Variants in ANKRD9 observed in about 807,000 individuals in gnomAD.
ANKRD9 encodes ankyrin repeat domain-containing protein 9.
In ANKRD9, 13 loss-of-function variants were observed where a neutral mutation model predicts 19.2. The observed-to-expected ratio is 0.68, with a 90% CI of 0.44 to 1.08. ANKRD9 has a LOEUF of 1.08. Among genes scored for constraint, ANKRD9 ranks in the 50% least tolerant of loss-of-function variants. ANKRD9 has a pLI of 0.00. For synonymous variants in ANKRD9, 278 were observed against 256.8 expected (o/e 1.08, Z -0.79); for missense variants, 518 against 499.9 (o/e 1.04, Z -0.34).
Position 102,507,218 on chromosome 14 carries a change from C to T in ANKRD9, c.672G>A (p.Pro224=), listed in dbSNP as rs1891625038. ...CCAGCAGCAGCAGGCGGCGCTGGCG[C>T]GGCTCCCCGGGAGCTGAGGCGGGGG... ...AGAPASAPGE[P]RQRRLLLLDL... is the part of the protein sequence containing the mutation. The change falls in exon 4 of 4, where the codon CCG becomes CCA. Residue 224 remains proline, a synonymous_variant. Transcript: ENST00000286918. This position sits in a 1 kb window ranked among gnomAD's most constrained non-coding sequence, Gnocchi z 9.2. 4 of 1,276,530 alleles carry T rather than the reference C, an allele frequency of 3.1e-6. No homozygotes were observed. Among genetic ancestry groups the T allele is most frequent in the Non-Finnish European group, 3.9e-6 (4 of 1,013,090 alleles). 79.1% of individuals were successfully genotyped at this position (1,276,530 alleles called of 1,614,324 possible).
rs1027090711 is a variant in ANKRD9 at position 102,505,072 on chromosome 14, C to T, written c.*1864G>A. On this transcript the variant is annotated 3_prime_UTR_variant, in exon 4 of 4. Coordinates refer to ENST00000286918, the MANE Select transcript of ANKRD9 (RefSeq NM_152326.4). ...GACGTGGAGGGGGCTAGCCCTGGGC[C>T]TCTGGCATTGTGGAGGCTGACCTAT... 3.3e-5 allele frequency: 5 copies of T among 152,756 alleles called. No homozygotes were observed. The highest frequency in any genetic ancestry group is 7.3e-5 in the Non-Finnish European group (5 of 68,490). 9.5% of individuals were successfully genotyped at this position (152,756 alleles called of 1,614,324 possible). A position where few individuals can be genotyped will look rare whatever the true frequency, so the allele number is the denominator to read the frequency against.
At position 102,507,665 on chromosome 14, in the gene ANKRD9, C is replaced by T. The variant is rs775819051; in HGVS notation, c.225G>A (p.Ala75=). 6.4e-7 allele frequency: 1 copy of T among 1,554,068 alleles called. No individual in the cohort carries two copies. The change falls in exon 4 of 4, where the codon GCG becomes GCA. Residue 75 remains alanine (A), a synonymous_variant. Transcript: ENST00000286918. This position sits in a 1 kb window ranked among gnomAD's most constrained non-coding sequence, Gnocchi z 9.2. ...GGTCGTGCACGAGCGCGTAGAGCAG[C>T]GCCTCAGAGGGCGAGTAGGCGGCGG... ...GRAAAYSPSE[A]LLYALVHDHQ...
Position 102,507,461 on chromosome 14 carries a change from C to T in ANKRD9, c.429G>A (p.Glu143=), listed in dbSNP as rs1378806016. 7.2e-7 allele frequency: 1 copy of T among 1,398,494 alleles called. No homozygotes were observed. Among genetic ancestry groups the T allele is most frequent in the South Asian group, 1.3e-5 (1 of 74,416 alleles). The allele number at this position is 1,398,494 out of a possible 1,614,324, so 86.6% of individuals were successfully genotyped here. The stretch of plus-strand genomic sequence containing the variant: ...CACGCCGGTCCAGCACGCGCGCCCG[C>T]TCCTCGGCCGGGAAGTCGCGCAAGG... The part of the protein sequence containing the change: ...LRTLRDFPAE[E]RARVLDRRGC... The change falls in exon 4 of 4, where the codon GAG becomes GAA. Residue 143 remains glutamate (E), a synonymous_variant. Coordinates refer to ENST00000286918, the MANE Select transcript of ANKRD9 (RefSeq NM_152326.4). This position sits in a 1 kb window ranked among gnomAD's most constrained non-coding sequence, Gnocchi z 9.2.
Position 102,507,439 on chromosome 14 carries a change from G to T in ANKRD9, c.451C>A (p.Arg151Ser). The T allele has an allele frequency of 3.6e-6, 5 of 1,390,518 alleles. 1 individual carries two copies. Among genetic ancestry groups the T allele is most frequent in the Non-Finnish European group, 4.7e-6 (5 of 1,067,952 alleles). The allele number at this position is 1,390,518 out of a possible 1,614,324, so 86.1% of individuals were successfully genotyped here. The change falls in exon 4 of 4, where the codon CGT becomes AGT. Residue 151 changes from arginine (R) to serine (S), a missense_variant. Arg to Ser is a moderately radical substitution (Grantham distance 110). Coordinates refer to ENST00000286918, the MANE Select transcript of ANKRD9 (RefSeq NM_152326.4). This position sits in a 1 kb window ranked among gnomAD's most constrained non-coding sequence, Gnocchi z 9.2. ...AEERARVLDRRGCSRVEGGGT... is the reference protein window; with the variant it reads ...AEERARVLDRSGCSRVEGGGT... ...CCGCCCTCCACGCGGCTGCAGCCAC[G>T]CCGGTCCAGCACGCGCGCCCGCTCC...
At position 102,506,915 on chromosome 14, in the gene ANKRD9, AG is replaced by A; in HGVS notation, c.*20del. On this transcript the variant is annotated 3_prime_UTR_variant, in exon 4 of 4. Transcript: ENST00000286918. The stretch of plus-strand genomic sequence containing the variant: ...GAAAAATAGTTTTGTCCCAAAATCC[AG>A]CGCCTAGGGTGCTCCGGGCCTAGCC... 1.4e-6 allele frequency: 2 copies of A among 1,453,092 alleles called. No homozygotes were observed. The highest frequency in any genetic ancestry group is 1.8e-6 in the Non-Finnish European group (2 of 1,101,416). The allele number at this position is 1,453,092 out of a possible 1,614,324, so 90.0% of individuals were successfully genotyped here. A position where few individuals can be genotyped will look rare whatever the true frequency, so the allele number is the denominator to read the frequency against.
In ANKRD9 at chr14:102,504,451, TG is replaced by T. The variant is rs1330946602; in HGVS notation, c.*2484del. On this transcript the variant is annotated 3_prime_UTR_variant, in exon 4 of 4. Coordinates refer to ENST00000286918, the MANE Select transcript of ANKRD9 (RefSeq NM_152326.4). ...CGGCCCTCCCAGTCCTGCAAGCTCATGGCCAGGACGATAACGATGACAGGGG... is the reference window on the plus strand; with the variant it reads ...CGGCCCTCCCAGTCCTGCAAGCTCATGCCAGGACGATAACGATGACAGGGG... 6.5e-6 allele frequency: 1 copy of T among 154,052 alleles called. No individual in the cohort carries two copies. The highest frequency in any genetic ancestry group is 1.5e-5 in the Non-Finnish European group (1 of 68,086). 9.5% of individuals were successfully genotyped at this position (154,052 alleles called of 1,614,324 possible).
chr14:102,507,269 G>C lies in ANKRD9; in HGVS notation c.621C>G (p.Ala207=), dbSNP rs1891629390. ...ELLLRQLGRD[A]GATPSAAGAP... ...CTCCGGCGGCGGAGGGAGTGGCCCC[G>C]GCGTCGCGGCCCAGCTGGCGCAGCA... The change falls in exon 4 of 4, where the codon GCC becomes GCG. Residue 207 remains alanine, a synonymous_variant. Coordinates refer to ENST00000286918, the MANE Select transcript of ANKRD9 (RefSeq NM_152326.4). The surrounding 1 kb of genome is among the most constrained non-coding windows in gnomAD (Gnocchi z 9.2). The C allele has an allele frequency of 1.7e-6, 2 of 1,211,180 alleles. No homozygotes were observed. The highest frequency in any genetic ancestry group is 3.3e-5 in the African/African-American group (2 of 61,246). 75.0% of individuals were successfully genotyped at this position (1,211,180 alleles called of 1,614,324 possible).
rs1329223460 is a variant in ANKRD9 at position 102,502,320 on chromosome 14, G to A, written c.*4616C>T. ...GTTTGAAATTTTTCATAACTCCGGG[G>A]AGGAGCAAGAGGGGTGAAAAGAAAC... On this transcript the variant is annotated 3_prime_UTR_variant, in exon 4 of 4. Transcript: ENST00000286918. 2 of 152,642 alleles carry A rather than the reference G, an allele frequency of 1.3e-5. No individual in the cohort carries two copies. Among genetic ancestry groups the A allele is most frequent in the Admixed American group, 6.5e-5 (1 of 15,280 alleles). The allele number at this position is 152,642 out of a possible 1,614,324, so 9.5% of individuals were successfully genotyped here.
Position 102,507,641 on chromosome 14 carries a change from G to A in ANKRD9, c.249C>T (p.Asp83=), listed in dbSNP as rs368763411. The A allele has an allele frequency of 3.7e-4, 571 of 1,540,504 alleles. 1 individual carries two copies. Among genetic ancestry groups the A allele is most frequent in the Non-Finnish European group, 4.7e-4 (541 of 1,148,484 alleles). ...GCAGGTAATGCGCGTACGCTTGGTG[G>A]TCGTGCACGAGCGCGTAGAGCAGCG... is the stretch of plus-strand genomic sequence containing the variant. ...SEALLYALVH[D]HQAYAHYLLA... The change falls in exon 4 of 4, where the codon GAC becomes GAT. Residue 83 remains aspartate, a synonymous_variant. Coordinates refer to ENST00000286918, the MANE Select transcript of ANKRD9 (RefSeq NM_152326.4). This position sits in a 1 kb window ranked among gnomAD's most constrained non-coding sequence, Gnocchi z 9.2.
rs1036153826 is a variant in ANKRD9, at chr14:102,505,405, G to C, written c.*1531C>G. On this transcript the variant is annotated 3_prime_UTR_variant, in exon 4 of 4. Coordinates refer to ENST00000286918, the MANE Select transcript of ANKRD9 (RefSeq NM_152326.4). ...CCAAGTGCCAAGGTTCAGAGGCACT[G>C]GTCCAGGACACACAGCAGCGGGGAA... 1 of 152,228 alleles carries C rather than the reference G, an allele frequency of 6.6e-6. No individual in the cohort carries two copies. The highest frequency in any genetic ancestry group is 1.5e-5 in the Non-Finnish European group (1 of 68,064). 9.4% of individuals were successfully genotyped at this position (152,228 alleles called of 1,614,324 possible). A position where few individuals can be genotyped will look rare whatever the true frequency, so the allele number is the denominator to read the frequency against.
chr14:102,509,366 C>T (rs1891718120), intron 1 of ANKRD9, 163 bp downstream of exon 1: 1 of 152,050 alleles, frequency 6.6e-6, no homozygotes. Flanking sequence ...TACCCGTCCC[C>T]TCCCGGCCTG....
At position 102,507,173 on chromosome 14, in the gene ANKRD9, G is replaced by C; in HGVS notation, c.717C>G (p.Thr239=). 1 of 1,397,092 alleles carries C rather than the reference G, an allele frequency of 7.2e-7. No homozygotes were observed. Among genetic ancestry groups the C allele is most frequent in the Non-Finnish European group, 9.2e-7 (1 of 1,083,328 alleles). 86.5% of individuals were successfully genotyped at this position (1,397,092 alleles called of 1,614,324 possible). A position where few individuals can be genotyped will look rare whatever the true frequency, so the allele number is the denominator to read the frequency against. ...GGGCCGAGCCGGCGGCACCCACGGG[G>C]GTGTACAGCGCCAGGAGGTCCAGCA... is the stretch of plus-strand genomic sequence containing the variant. ...LLLLDLLALY[T]PVGAAGSARQ... Residue 239 remains threonine, a synonymous_variant, in exon 4 of 4, where the codon ACC becomes ACG. Transcript: ENST00000286918. This position sits in a 1 kb window ranked among gnomAD's most constrained non-coding sequence, Gnocchi z 9.2.
rs1451800476 is a variant in ANKRD9 at position 102,504,859 on chromosome 14, T to TG, written c.*2076dup. 1 of 152,400 alleles carries TG rather than the reference T, an allele frequency of 6.6e-6. No individual in the cohort carries two copies. The highest frequency in any genetic ancestry group is 2.4e-5 in the African/African-American group (1 of 41,468). The allele number at this position is 152,400 out of a possible 1,614,324, so 9.4% of individuals were successfully genotyped here. On this transcript the variant is annotated 3_prime_UTR_variant, in exon 4 of 4. Transcript: ENST00000286918. ...CCCGCCCTGCACTCCACGACCAGCC[T>TG]GGGTTCTTCATCCTGGTAACCTGAC... is the stretch of plus-strand genomic sequence containing the variant.
At position 102,504,079 on chromosome 14, in the gene ANKRD9, G is replaced by C. The variant is rs1427702790; in HGVS notation, c.*2857C>G. On this transcript the variant is annotated 3_prime_UTR_variant, in exon 4 of 4. Coordinates refer to ENST00000286918, the MANE Select transcript of ANKRD9 (RefSeq NM_152326.4). ...CCTACAAGGTCACCTCAGAGAGATG[G>C]GGGTGTTCTCTCACTGCTGGCTTTT... 1 of 152,260 alleles carries C rather than the reference G, an allele frequency of 6.6e-6. No individual in the cohort carries two copies. The highest frequency in any genetic ancestry group is 1.5e-5 in the Non-Finnish European group (1 of 68,088). The allele number at this position is 152,260 out of a possible 1,614,324, so 9.4% of individuals were successfully genotyped here. A position where few individuals can be genotyped will look rare whatever the true frequency, so the allele number is the denominator to read the frequency against.
In ANKRD9 at chr14:102,507,218, C is replaced by A; in HGVS notation, c.672G>T (p.Pro224=). The change falls in exon 4 of 4, where the codon CCG becomes CCT. Residue 224 remains proline, a synonymous_variant. Transcript: ENST00000286918. This position sits in a 1 kb window ranked among gnomAD's most constrained non-coding sequence, Gnocchi z 9.2. ...CCAGCAGCAGCAGGCGGCGCTGGCGCGGCTCCCCGGGAGCTGAGGCGGGGG... is the reference window on the plus strand; with the variant it reads ...CCAGCAGCAGCAGGCGGCGCTGGCGAGGCTCCCCGGGAGCTGAGGCGGGGG... ...AGAPASAPGE[P]RQRRLLLLDL... 7.8e-7 allele frequency: 1 copy of A among 1,276,530 alleles called. No homozygotes were observed. The highest frequency in any genetic ancestry group is 2.3e-5 in the South Asian group (1 of 43,822). 79.1% of individuals were successfully genotyped at this position (1,276,530 alleles called of 1,614,324 possible).
In ANKRD9 at chr14:102,505,357, G is replaced by T. The variant is rs1450637632; in HGVS notation, c.*1579C>A. ...CCTGATGCCCCAAGAATTGGGCTTG[G>T]AAAGATGTTAATATCCACTGCCCCA... On this transcript the variant is annotated 3_prime_UTR_variant, in exon 4 of 4. Transcript: ENST00000286918. 1 of 152,148 alleles carries T rather than the reference G, an allele frequency of 6.6e-6. No homozygotes were observed. The highest frequency in any genetic ancestry group is 2.4e-5 in the African/African-American group (1 of 41,422). 9.4% of individuals were successfully genotyped at this position (152,148 alleles called of 1,614,324 possible).
rs921903421 is a variant in ANKRD9 at position 102,505,435 on chromosome 14, A to G, written c.*1501T>C. 4 of 152,402 alleles carry G rather than the reference A, an allele frequency of 2.6e-5. No homozygotes were observed. The highest frequency in any genetic ancestry group is 9.6e-5 in the African/African-American group (4 of 41,538). The allele number at this position is 152,402 out of a possible 1,614,324, so 9.4% of individuals were successfully genotyped here. A position where few individuals can be genotyped will look rare whatever the true frequency, so the allele number is the denominator to read the frequency against. On this transcript the variant is annotated 3_prime_UTR_variant, in exon 4 of 4. Coordinates refer to ENST00000286918, the MANE Select transcript of ANKRD9 (RefSeq NM_152326.4). Reference sequence around the variant, plus strand: ...AGGACACACAGCAGCGGGGAAGTGGAACCCTCACTCCAGCCTGCAGTCTGG... The same window carrying G: ...AGGACACACAGCAGCGGGGAAGTGGGACCCTCACTCCAGCCTGCAGTCTGG...
chr14:102,507,574 C>G lies in ANKRD9; in HGVS notation c.316G>C (p.Gly106Arg). 7.3e-7 allele frequency: 1 copy of G among 1,373,386 alleles called. No homozygotes were observed. The highest frequency in any genetic ancestry group is 3.2e-5 in the East Asian group (1 of 31,438). The allele number at this position is 1,373,386 out of a possible 1,614,324, so 85.1% of individuals were successfully genotyped here. ...CCGGGAGCCGCGCAGCAGCGGAAGC[C>G]GGCACTGGGCGGTGCGAGCGCGCGC... ...PRRALAPPSA[G>R]FRCCAAPGPH... is the part of the protein sequence containing the mutation. The change falls in exon 4 of 4, where the codon GGC (glycine) becomes CGC (arginine). Residue 106 changes from glycine to arginine, a missense_variant. Gly to Arg is a moderately radical substitution (Grantham distance 125, BLOSUM62 -2). Transcript: ENST00000286918. The surrounding 1 kb of genome is among the most constrained non-coding windows in gnomAD (Gnocchi z 9.2).
rs1891525197 is a variant in ANKRD9 at position 102,504,301 on chromosome 14, T to C, written c.*2635A>G. ...TGCTGGAATTAACGAACTAAACAAA[T>C]GAACCAAGGTGCTTCACCCCCCAAA... On this transcript the variant is annotated 3_prime_UTR_variant, in exon 4 of 4. Coordinates refer to ENST00000286918, the MANE Select transcript of ANKRD9 (RefSeq NM_152326.4). 6.5e-6 allele frequency: 1 copy of C among 152,750 alleles called. No individual in the cohort carries two copies. Among genetic ancestry groups the C allele is most frequent in the Admixed American group, 6.5e-5 (1 of 15,278 alleles). 9.5% of individuals were successfully genotyped at this position (152,750 alleles called of 1,614,324 possible).
Sources: gnomAD v4.1 joint callset for allele counts on GRCh38, gnomAD v4.1.1 for gene constraint, Gnocchi (gnomAD v3.1) non-coding constraint, MANE v1.5 for transcripts, NCBI Gene and HGNC (gene_info 2026-07-23, HGNC 2026-07-21) for gene names.